DRAXIN: variants seen among roughly 807,000 people sequenced by gnomAD.
DRAXIN encodes dorsal repulsive axon guidance protein.
DRAXIN carries 27 observed loss-of-function variants against 33.9 expected under a neutral mutation model. That is an observed-to-expected ratio of 0.80 (90% CI 0.59 to 1.10). DRAXIN has a LOEUF of 1.10. DRAXIN is among the 50% of genes least tolerant of loss of function. The probability of loss-of-function intolerance (pLI) is 0.00; values close to 1 mark genes in which losing one functional copy is unlikely to be tolerated. For synonymous variants in DRAXIN, 178 were observed against 194.0 expected (o/e 0.92, Z 0.69); for missense variants, 371 against 460.8 (o/e 0.81, Z 1.78).
Position 11,694,601 on chromosome 1 carries a change from T to G in DRAXIN, c.-11+2748T>G, listed in dbSNP as rs1245902676. ...CCAGGAATGTGATGGAGCAGGGACT[T>G]GCATCCCAGCCTCCCCGAACTTCCC... On this transcript the variant is annotated intron_variant, in intron 1 of 6. Transcript: ENST00000294485. The surrounding 1 kb of genome is among the most constrained non-coding windows in gnomAD (Gnocchi z 4.9). Among the ~76,000 whole-genome samples, 1 of 151,036 alleles carries G rather than the reference T, an allele frequency of 6.6e-6. No individual in the cohort carries two copies. The highest frequency in any genetic ancestry group is 1.5e-5 in the Non-Finnish European group (1 of 67,642).
Position 11,706,555 on chromosome 1 carries a change from G to T in DRAXIN, c.297G>T (p.Glu99Asp). The T allele has an allele frequency of 6.2e-7, 1 of 1,610,418 alleles. No homozygotes were observed. Reference sequence around the variant, plus strand: ...CAGAGGCTGAGGGGCTGCTGCCTGAGCAGAGTCCTGCAGGCCTGCTGCAGG... The same window carrying T: ...CAGAGGCTGAGGGGCTGCTGCCTGATCAGAGTCCTGCAGGCCTGCTGCAGG... ...RLPEAEGLLP[E>D]QSPAGLLQDK... Residue 99 changes from glutamate (E) to aspartate (D), a missense_variant, in exon 2 of 7, where the codon GAG (glutamate) becomes GAT (aspartate). Coordinates refer to ENST00000294485, the MANE Select transcript of DRAXIN (RefSeq NM_198545.4). This position sits in a 1 kb window ranked among gnomAD's most constrained non-coding sequence, Gnocchi z 5.5.
At chr1:11,702,063 CAT>C (rs1055505126) in intron 1 of DRAXIN, among the ~76,000 whole-genome samples, 7 of 150,758 alleles carry the variant, frequency 4.6e-5, no homozygotes, top group African/African-American at 1.5e-4. Context: ...TGTGCACACA[CAT>C]ACGCTCACAC....
At chr1:11,687,755 G>C (rs1045356179), upstream of DRAXIN, among the ~76,000 whole-genome samples, 5 of 152,192 alleles carry the variant, frequency 3.3e-5, no homozygotes, top group African/African-American at 1.2e-4. This position sits in a 1 kb window ranked among gnomAD's most constrained non-coding sequence, Gnocchi z 4.1. Context: ...GTTCCACTTA[G>C]CATAATGTTT....
chr1:11,707,809 C>T (rs6689544), intron 2 of DRAXIN, among the ~76,000 whole-genome samples: 1 of 152,164 alleles, frequency 6.6e-6, no homozygotes, highest in African/African-American at 2.4e-5. Context: ...CATTCAGTCT[C>T]GGAGTAGACA....
rs373872572 is a variant in DRAXIN at position 11,706,444 on chromosome 1, G to A, written c.186G>A (p.Pro62=). 8.4e-5 allele frequency: 136 copies of A among 1,611,222 alleles called. No individual in the cohort carries two copies. Among genetic ancestry groups the A allele is most frequent in the East Asian group, 1.3e-4 (6 of 44,812 alleles). ...PQASHHRRRG[P]GKKEWGPGLP... ...CCAGCCACCACCGCCGGCGGGGCCC[G>A]GGCAAGAAGGAGTGGGGCCCAGGCC... is the stretch of plus-strand genomic sequence containing the variant. Residue 62 remains proline (P), a synonymous_variant, in exon 2 of 7, where the codon CCG becomes CCA. Transcript: ENST00000294485. The surrounding 1 kb of genome is among the most constrained non-coding windows in gnomAD (Gnocchi z 5.5).
intron 3 of DRAXIN, among the ~76,000 whole-genome samples, chr1:11,710,742 A>C (rs7417388): frequency 7.2e-6 from 1 of 139,748 alleles, no homozygotes; most frequent in Non-Finnish European, 1.5e-5. Flanking sequence ...GTGAAACCCC[A>C]TCTCTACTAA....
rs763985978 is a variant in DRAXIN, at chr1:11,706,460, G to T, written c.202G>T (p.Gly68Cys). The T allele has an allele frequency of 1.2e-6, 2 of 1,610,796 alleles. No individual in the cohort carries two copies. The highest frequency in any genetic ancestry group is 3.3e-5 in the Admixed American group (2 of 59,912). The part of the protein sequence containing the change: ...RRRGPGKKEW[G>C]PGLPSQAQDG... ...GCGGGGCCCGGGCAAGAAGGAGTGG[G>T]GCCCAGGCCTGCCCAGCCAGGCCCA... The change falls in exon 2 of 7, where the codon GGC becomes TGC. Residue 68 changes from glycine to cysteine, a missense_variant. Coordinates refer to ENST00000294485, the MANE Select transcript of DRAXIN (RefSeq NM_198545.4). This position sits in a 1 kb window ranked among gnomAD's most constrained non-coding sequence, Gnocchi z 5.5.
rs1276337756 is a variant in DRAXIN, at chr1:11,692,697, C to T, written c.-11+844C>T. 6.6e-6 allele frequency among the ~76,000 whole-genome samples: 1 copy of T among 152,196 alleles called. No individual in the cohort carries two copies. Among genetic ancestry groups the T allele is most frequent in the African/African-American group, 2.4e-5 (1 of 41,446 alleles). The stretch of plus-strand genomic sequence containing the variant: ...CCTCTCCGCCCGGTGGTCTCCCCTG[C>T]CCTATATGCTCCCTCCACGCTGCCC... On this transcript the variant is annotated intron_variant, in intron 1 of 6. Transcript: ENST00000294485. The surrounding 1 kb of genome is among the most constrained non-coding windows in gnomAD (Gnocchi z 5.8).
chr1:11,701,758 T>G (rs995891278), intron 1 of DRAXIN, among the ~76,000 whole-genome samples: 61 of 152,120 alleles, frequency 4.0e-4, no homozygotes, highest in Admixed American at 3.9e-4. Flanking sequence ...GGGGGCTGCC[T>G]CCTCCTTCTG....
chr1:11,715,309 C>G, intron 6 of DRAXIN, 101 bp downstream of exon 6: 1 of 1,445,812 alleles, frequency 6.9e-7, no homozygotes, highest in Non-Finnish European at 9.6e-7. Flanking sequence ...ACAAGCTTTC[C>G]TGGCAGAGGG....
chr1:11,718,554 C>T (rs1014826909), intron 6 of DRAXIN, among the ~76,000 whole-genome samples: 5 of 152,176 alleles, frequency 3.3e-5, no homozygotes, highest in African/African-American at 1.2e-4. Flanking sequence ...GCCTGGAACT[C>T]CTGGGCTCAA....
rs1484869343 is a variant in DRAXIN, at chr1:11,706,821, G to A, written c.451+112G>A. The A allele has an allele frequency of 2.4e-6, 3 of 1,254,778 alleles. No individual in the cohort carries two copies. In the Admixed American group the frequency reaches 8.5e-5, roughly 35 times the overall value. The allele number at this position is 1,254,778 out of a possible 1,614,324, so 77.7% of individuals were successfully genotyped here. On this transcript the variant is annotated intron_variant, in intron 2 of 6. Transcript: ENST00000294485. The surrounding 1 kb of genome is among the most constrained non-coding windows in gnomAD (Gnocchi z 5.5). ...GGGCATGAGGTCCAGAGGAGAGGAG[G>A]GGTCTCACTGAAGCCAGAGGGACCT... is the stretch of plus-strand genomic sequence containing the variant.
At chr1:11,718,315 C>CA (rs759545157) in intron 6 of DRAXIN, among the ~76,000 whole-genome samples, 31,784 of 93,828 alleles carry the variant, frequency 0.34, 5,875 homozygotes, top group East Asian at 0.58. Flanking sequence ...AACTCCATCT[C>CA]AAAAAAAAAA....
chr1:11,695,611 A>T (rs12031449), intron 1 of DRAXIN, among the ~76,000 whole-genome samples: 29,916 of 144,960 alleles, frequency 0.21, 3,281 homozygotes, highest in Non-Finnish European at 0.26. Flanking sequence ...CAAAAAAAAA[A>T]ATATATATAT....
chr1:11,701,286 A>T (rs1284088851), intron 1 of DRAXIN, among the ~76,000 whole-genome samples: 1 of 152,212 alleles, frequency 6.6e-6, no homozygotes. Flanking sequence ...GGGTGCCAGG[A>T]GAACCCCGGC....
intron 1 of DRAXIN, among the ~76,000 whole-genome samples, chr1:11,693,333 G>A (rs547068148): frequency 1.5e-4 from 23 of 152,094 alleles, no homozygotes; most frequent in African/African-American, 5.5e-4. Flanking sequence ...GCCTTTAATA[G>A]CGGCACCAGC....
chr1:11,686,723 C>T (rs935155294), upstream of DRAXIN, among the ~76,000 whole-genome samples: 2 of 146,206 alleles, frequency 1.4e-5, no homozygotes. Flanking sequence ...AAATGCCTTA[C>T]ACAACATCAG....
In DRAXIN at chr1:11,724,938, A is replaced by G. The variant is rs1641716679; in HGVS notation, c.*5242A>G. ...CTTTCCTGGGAAGGGCAGTTTGCAG[A>G]ACCAGGGGTTTATATTGCAGGGAGT... On this transcript the variant is annotated 3_prime_UTR_variant, in exon 7 of 7. Coordinates refer to ENST00000294485, the MANE Select transcript of DRAXIN (RefSeq NM_198545.4). The G allele has an allele frequency of 6.6e-6, 1 of 152,240 alleles. No homozygotes were observed. The highest frequency in any genetic ancestry group is 1.5e-5 in the Non-Finnish European group (1 of 68,084). 9.4% of individuals were successfully genotyped at this position (152,240 alleles called of 1,614,324 possible).
chr1:11,700,137 G>C (rs1641250229), intron 1 of DRAXIN, among the ~76,000 whole-genome samples: 2 of 151,614 alleles, frequency 1.3e-5, no homozygotes, highest in South Asian at 2.1e-4. Flanking sequence ...GACTGAGGCA[G>C]GAGAATTGCT....
Sources: gnomAD v4.1 joint callset for allele counts (sites outside exome capture counted in the v4.1 genomes callset) on GRCh38, gnomAD v4.1.1 for gene constraint, Gnocchi (gnomAD v3.1) non-coding constraint, MANE v1.5 for transcripts, NCBI Gene and HGNC (gene_info 2026-07-23, HGNC 2026-07-21) for gene names.